The following RBM25 variants were observed in gnomAD, a reference collection of about 807,000 sequenced individuals.
RBM25 encodes RNA binding motif protein 25.
A neutral mutation model predicts 120.7 loss-of-function variants in RBM25; 19 were observed. That is an observed-to-expected ratio of 0.16 (90% confidence interval 0.11 to 0.23). The LOEUF (loss-of-function observed/expected upper bound fraction) is 0.23, where lower values mean the gene tolerates loss of function less well. Ranked by LOEUF, RBM25 falls within the 10% of genes least tolerant of loss-of-function variation. RBM25 has a pLI of 1.00. For synonymous variants in RBM25, 390 were observed against 326.7 expected (o/e 1.19, Z -2.09); for missense variants, 605 against 1,041.5 (o/e 0.58, Z 5.77).
chr14:73,085,962 T>G (rs1222878905), intron 5 of RBM25, among the ~76,000 whole-genome samples: 1 of 152,164 alleles, frequency 6.6e-6, no homozygotes, highest in Non-Finnish European at 1.5e-5. Flanking sequence ...TTAAATTGTC[T>G]CTGCACTTTA....
chr14:73,097,383 T>G (rs1235407491), intron 7 of RBM25, among the ~76,000 whole-genome samples: 1 of 151,996 alleles, frequency 6.6e-6, no homozygotes, highest in Non-Finnish European at 1.5e-5. Context: ...TGGTTTTTAG[T>G]AGAGACGGGG....
At chr14:73,072,461 T>C (rs1459425890) in intron 2 of RBM25, among the ~76,000 whole-genome samples, 1 of 152,200 alleles carries the variant, frequency 6.6e-6, no homozygotes, top group Non-Finnish European at 1.5e-5. Flanking sequence ...CTTAAAAGTG[T>C]ATATTATAAG....
intron 3 of RBM25, 35 bp from the exon 4 acceptor site, chr14:73,077,334 G>T: frequency 1.3e-6 from 2 of 1,539,320 alleles, no homozygotes; most frequent in African/African-American, 1.4e-5. Context: ...AAATTTAATT[G>T]CTGGATCAAT....
intron 1 of RBM25, chr14:73,068,087 T>A: frequency 1.6e-6 from 1 of 616,608 alleles, no homozygotes; most frequent in Non-Finnish European, 2.9e-6. Context: ...GCACATGAGC[T>A]ACGACCACCC....
Position 73,111,799 on chromosome 14 carries a change from T to G in RBM25, c.2289T>G (p.Asp763Glu). The G allele has an allele frequency of 6.3e-7, 1 of 1,579,992 alleles. No individual in the cohort carries two copies. The highest frequency in any genetic ancestry group is 8.6e-7 in the Non-Finnish European group (1 of 1,167,778). The change falls in exon 16 of 19, where the codon GAT becomes GAG. Residue 763 changes from aspartate (D) to glutamate (E), a missense_variant. Physicochemically the swap from Asp to Glu is conservative, Grantham distance 45 (BLOSUM62 2). Around this residue, in one of 4 missense-constraint regions of RBM25, gnomAD observed 465 missense variants for 741.6 expected, o/e 0.63. Coordinates refer to ENST00000261973, the MANE Select transcript of RBM25 (RefSeq NM_021239.3). ...ATCCCCTGGATTGGTCTATTGTGGA[T>G]TCTGTGAGTAGGAAATTATATTTCA... ...FAYPLDWSIV[D>E]SILMERRIRP...
At position 73,061,927 on chromosome 14, in the gene RBM25, A is replaced by G. The variant is rs1050672039; in HGVS notation, c.-16+3222A>G. 7.3e-5 allele frequency among the ~76,000 whole-genome samples: 11 copies of G among 151,476 alleles called. No homozygotes were observed. The South Asian group carries it at 1.2e-3, about 17-fold the overall frequency. Reference sequence around the variant, plus strand: ...TTGCTCAGGCTGGAGTGCAGTGGCTATTCACAGGCGTAATCCCACTATTGA... The same window carrying G: ...TTGCTCAGGCTGGAGTGCAGTGGCTGTTCACAGGCGTAATCCCACTATTGA... On this transcript the variant is annotated intron_variant, in intron 1 of 18. Coordinates refer to ENST00000261973, the MANE Select transcript of RBM25 (RefSeq NM_021239.3).
At position 73,096,754 on chromosome 14, in the gene RBM25, A is replaced by T. The variant is rs542264300; in HGVS notation, c.544-161A>T. 3.3e-5 allele frequency among the ~76,000 whole-genome samples: 5 copies of T among 152,372 alleles called. No individual in the cohort carries two copies. The East Asian group carries it at 7.7e-4, about 23-fold the overall frequency. The stretch of plus-strand genomic sequence containing the variant: ...TATCTCAGGAATAGTTAAATAAAAA[A>T]ATGAAGCTTTTCTGATGTTAAGAAC... On this transcript the variant is annotated intron_variant, in intron 6 of 18. Transcript: ENST00000261973.
intron 4 of RBM25, among the ~76,000 whole-genome samples, chr14:73,081,606 G>A (rs1895565455): frequency 6.6e-6 from 1 of 152,080 alleles, no homozygotes; most frequent in African/African-American, 2.4e-5. Flanking sequence ...TGTTATATTG[G>A]GATGATACAT....
At chr14:73,091,506 G>C (rs1349497181) in intron 6 of RBM25, among the ~76,000 whole-genome samples, 1 of 152,144 alleles carries the variant, frequency 6.6e-6, no homozygotes, top group African/African-American at 2.4e-5. Flanking sequence ...GAGCCACTGT[G>C]TCCAGCTTAC....
At position 73,110,833 on chromosome 14, in the gene RBM25, G is replaced by A; in HGVS notation, c.1695G>A (p.Met565Ile). 6.3e-7 allele frequency: 1 copy of A among 1,599,492 alleles called. No individual in the cohort carries two copies. Among genetic ancestry groups the A allele is most frequent in the Non-Finnish European group, 8.5e-7 (1 of 1,176,034 alleles). The change falls in exon 15 of 19, where the codon ATG (methionine) becomes ATA (isoleucine). Residue 565 changes from methionine to isoleucine, a missense_variant and splice_region_variant. By Grantham distance (10) the Met-to-Ile change is conservative. Transcript: ENST00000261973. ...TCAGATTATTGTTTGGGTTTTAGATGGAACAAGAGGCTGAGAGGCGCAGGC... is the reference window on the plus strand; with the variant it reads ...TCAGATTATTGTTTGGGTTTTAGATAGAACAAGAGGCTGAGAGGCGCAGGC... Reference protein sequence around the residue: ...HPDPDAELQRMEQEAERRRQP... With the variant: ...HPDPDAELQRIEQEAERRRQP...
intron 9 of RBM25, chr14:73,100,098 G>A (rs111296315): frequency 2.1e-6 from 1 of 471,064 alleles, no homozygotes. Context: ...TCTGGGGGCA[G>A]TTATTTAACT....
intron 1 of RBM25, among the ~76,000 whole-genome samples, chr14:73,060,186 GCGC>G (rs1894969133): frequency 1.4e-5 from 2 of 147,824 alleles, no homozygotes; most frequent in African/African-American, 4.9e-5. Context: ...CTACAGGCGC[GCGC>G]CACCACGCCC....
At position 73,111,160 on chromosome 14, in the gene RBM25, GTTA is replaced by G; in HGVS notation, c.2017+6_2017+8del. The stretch of plus-strand genomic sequence containing the variant: ...TAGGACTAAGTCTTAAACTGGGTAC[GTTA>G]GCATTTCCTTCCTTCTTTATTTTCT... On this transcript the variant is annotated splice_donor_region_variant and intron_variant, in intron 15 of 18. Coordinates refer to ENST00000261973, the MANE Select transcript of RBM25 (RefSeq NM_021239.3). The G allele has an allele frequency of 6.3e-7, 1 of 1,586,484 alleles. No homozygotes were observed. The highest frequency in any genetic ancestry group is 8.6e-7 in the Non-Finnish European group (1 of 1,156,780).
chr14:73,112,035 CTTAG>C, intron 16 of RBM25, 113 bp from the exon 17 acceptor site: 1 of 1,095,158 alleles, frequency 9.1e-7, no homozygotes. Flanking sequence ...ACATATCTGT[CTTAG>C]TTCAACTTGT....
chr14:73,088,300 T>C (rs1483246131), intron 6 of RBM25, 139 bp downstream of exon 6: 27 of 1,115,376 alleles, frequency 2.4e-5, no homozygotes, highest in Non-Finnish European at 3.3e-5. Flanking sequence ...GAGGGTATTT[T>C]ATAGTTTGTA....
chr14:73,068,387 AT>A (rs34314453), intron 1 of RBM25: 45,841 of 464,312 alleles, frequency 0.099, no homozygotes, highest in Middle Eastern at 0.13. Flanking sequence ...CTTGTATTTG[AT>A]TTTTTTTTTT....
intron 10 of RBM25, among the ~76,000 whole-genome samples, chr14:73,103,984 ACACACACACACTCT>A (rs1803353898): frequency 5.2e-5 from 6 of 114,794 alleles, no homozygotes; most frequent in Non-Finnish European, 9.1e-5. Flanking sequence ...ACACACACAC[ACACACACACACTCT>A]CTCTCTCTCT....
At chr14:73,070,711 A>G (rs975083348) in intron 1 of RBM25, among the ~76,000 whole-genome samples, 6 of 151,774 alleles carry the variant, frequency 4.0e-5, no homozygotes, top group African/African-American at 1.5e-4. Context: ...CGCTTTGGGA[A>G]GCTGAGTCAG....
chr14:73,074,740 C>G (rs1313465262), intron 2 of RBM25, among the ~76,000 whole-genome samples: 1 of 150,998 alleles, frequency 6.6e-6, no homozygotes, highest in Admixed American at 6.6e-5. Context: ...TTGAGAGAGT[C>G]TCACTCTGTC....
Sources: gnomAD v4.1 joint callset for allele counts (sites outside exome capture counted in the v4.1 genomes callset) on GRCh38, gnomAD v4.1.1 for gene constraint, gnomAD v4.1.1 regional missense constraint, MANE v1.5 for transcripts, NCBI Gene and HGNC (gene_info 2026-07-23, HGNC 2026-07-21) for gene names.